Variants in STRIP2 observed in about 807,000 individuals in gnomAD.
The protein encoded by STRIP2 is striatin-interacting protein 2.
STRIP2 carries 84 observed loss-of-function variants against 107.1 expected under a neutral mutation model. The observed-to-expected ratio is 0.78, with a 90% CI of 0.66 to 0.94. STRIP2 has a LOEUF of 0.94. Ranked by LOEUF, STRIP2 falls within the 40% of genes least tolerant of loss-of-function variation. STRIP2 has a pLI of 0.00. For synonymous variants in STRIP2, 394 were observed against 400.4 expected, an observed-to-expected ratio of 0.98 and a Z score of 0.19; for missense variants, 888 against 1,034.2, an observed-to-expected ratio of 0.86 and a Z score of 1.94.
At chr7:129,480,187 A>C (rs1799082331) in intron 18 of STRIP2, among the ~76,000 whole-genome samples, 1 of 152,226 alleles carries the variant, frequency 6.6e-6, no homozygotes, top group African/African-American at 2.4e-5. Flanking sequence ...TCTGACATCC[A>C]TCTGTTGTCT....
In STRIP2 at chr7:129,476,212, G is replaced by GGGCGGCTGGCCGGGCGGGGGCTGCCCCCC. The variant is rs1584967414; in HGVS notation, c.1945-4573_1945-4572insGGCGGCTGGCCGGGCGGGGGCTGCCCCCC. Among the ~76,000 whole-genome samples the GGGCGGCTGGCCGGGCGGGGGCTGCCCCCC allele has an allele frequency of 6.5e-4, 72 of 111,056 alleles. 11 individuals carry two copies. In the East Asian group the frequency reaches 0.014, roughly 21 times the overall value. The allele number at this position is 111,056 out of a possible 152,430, so 72.9% of individuals were successfully genotyped here. ...GGGGCTGCCCCCCACCTCCCTCCCG[G>GGGCGGCTGGCCGGGCGGGGGCTGCCCCCC]ACGGGGCGGCTGGCCGGGCGGGGGC... On this transcript the variant is annotated intron_variant, in intron 18 of 20. Transcript: ENST00000249344.
At position 129,459,381 on chromosome 7, in the gene STRIP2, T is replaced by A. The variant is rs1315254280; in HGVS notation, c.1341-136T>A. 4.2e-6 allele frequency: 3 copies of A among 711,700 alleles called. No individual in the cohort carries two copies. In the African/African-American group the frequency reaches 5.3e-5, roughly 12 times the overall value. The allele number at this position is 711,700 out of a possible 1,614,324, so 44.1% of individuals were successfully genotyped here. A position where few individuals can be genotyped will look rare whatever the true frequency, so the allele number is the denominator to read the frequency against. On this transcript the variant is annotated intron_variant, in intron 11 of 20. Transcript: ENST00000249344. The stretch of plus-strand genomic sequence containing the variant: ...AGCACTGATGTGGGACCTACGAGCT[T>A]GCAGAGGAAGGTCTAGGGTACTGGG...
At chr7:129,457,121 G>A (rs1320448371) in intron 9 of STRIP2, among the ~76,000 whole-genome samples, 1 of 152,084 alleles carries the variant, frequency 6.6e-6, no homozygotes, top group East Asian at 1.9e-4. Flanking sequence ...ACTGGGTAGG[G>A]GTCTATGTAT....
At chr7:129,470,736 T>C in intron 18 of STRIP2, 21 bp downstream of exon 18, 1 of 1,610,604 alleles carries the variant, frequency 6.2e-7, no homozygotes, top group South Asian at 1.1e-5. Context: ...GGGGATTTGG[T>C]AGCCTTTGAA....
intron 2 of STRIP2, 92 bp downstream of exon 2, chr7:129,440,183 C>T (rs1797859813): frequency 1.8e-6 from 2 of 1,087,184 alleles, no homozygotes; most frequent in Non-Finnish European, 2.8e-6. Context: ...TCTGTTCTCA[C>T]CAAGTGGCTG....
chr7:129,475,111 TTAAA>T (rs1385570604), intron 18 of STRIP2, among the ~76,000 whole-genome samples: 9 of 152,146 alleles, frequency 5.9e-5, no homozygotes, highest in Non-Finnish European at 1.3e-4. Flanking sequence ...AATTCCAAAC[TTAAA>T]TGAAGGATGG....
intron 15 of STRIP2, 95 bp downstream of exon 15, chr7:129,464,236 T>C: frequency 2.1e-6 from 2 of 954,960 alleles, no homozygotes; most frequent in South Asian, 2.7e-5. Flanking sequence ...TTACAGAGAT[T>C]GTCTCCAAAG....
chr7:129,460,610 G>A (rs757038423), intron 13 of STRIP2: 11 of 504,160 alleles, frequency 2.2e-5, no homozygotes, highest in Non-Finnish European at 7.2e-6. Context: ...TAAACAGGAT[G>A]ACATGAAAGA....
At chr7:129,450,229 C>T (rs1260869452) in intron 3 of STRIP2, among the ~76,000 whole-genome samples, 1 of 152,116 alleles carries the variant, frequency 6.6e-6, no homozygotes, top group African/African-American at 2.4e-5. Context: ...TCCTGGTACC[C>T]AAATCTGTAT....
intron 3 of STRIP2, among the ~76,000 whole-genome samples, chr7:129,446,706 A>C (rs1325788784): frequency 1.3e-5 from 2 of 152,178 alleles, no homozygotes; most frequent in Non-Finnish European, 2.9e-5. Flanking sequence ...GGGGGAAAGA[A>C]GCCAGGGTGG....
chr7:129,462,266 C>T (rs1798560282), intron 13 of STRIP2, among the ~76,000 whole-genome samples: 1 of 152,182 alleles, frequency 6.6e-6, no homozygotes, highest in Non-Finnish European at 1.5e-5. Flanking sequence ...TTGTGTGGGA[C>T]AGAGGGAGGC....
intron 17 of STRIP2, among the ~76,000 whole-genome samples, chr7:129,468,535 A>G (rs1322171990): frequency 6.6e-6 from 1 of 152,224 alleles, no homozygotes; most frequent in Non-Finnish European, 1.5e-5. Flanking sequence ...TGGTATATGT[A>G]AGATTGCTTT....
Position 129,463,026 on chromosome 7 carries a change from C to T in STRIP2, c.1537C>T (p.Leu513Phe), listed in dbSNP as rs750715470. ...CCTCTACCAGGGAATGCTGTACAGCCTTCCGCAGTATATGGTAAGGAGATG... is the reference window on the plus strand; with the variant it reads ...CCTCTACCAGGGAATGCTGTACAGCTTTCCGCAGTATATGGTAAGGAGATG... ...EILYQGMLYS[L>F]PQYMIALLKI... Residue 513 changes from leucine to phenylalanine, a missense_variant, in exon 14 of 21, where the codon CTT (leucine) becomes TTT (phenylalanine). Leu to Phe is a conservative substitution (Grantham distance 22). Coordinates refer to ENST00000249344, the MANE Select transcript of STRIP2 (RefSeq NM_020704.3). 5.0e-6 allele frequency: 8 copies of T among 1,613,528 alleles called. No individual in the cohort carries two copies. The highest frequency in any genetic ancestry group is 5.1e-6 in the Non-Finnish European group (6 of 1,179,644).
chr7:129,455,193 T>C, intron 7 of STRIP2, 51 bp from the exon 8 acceptor site: 1 of 1,564,228 alleles, frequency 6.4e-7, no homozygotes, highest in Non-Finnish European at 8.6e-7. Flanking sequence ...ATGAAAAAGG[T>C]TTTAGCTGCC....
At chr7:129,462,211 T>C (rs1185367011) in intron 13 of STRIP2, among the ~76,000 whole-genome samples, 1 of 152,212 alleles carries the variant, frequency 6.6e-6, no homozygotes, top group Non-Finnish European at 1.5e-5. Flanking sequence ...CCAGGCTCTG[T>C]TGAATGTCCA....
chr7:129,447,736 C>T (rs891128694), intron 3 of STRIP2, among the ~76,000 whole-genome samples: 2 of 152,218 alleles, frequency 1.3e-5, no homozygotes, highest in Non-Finnish European at 2.9e-5. Context: ...TCAATGACCA[C>T]GTACCAGGTA....
At position 129,488,311 on chromosome 7, in the gene STRIP2, A is replaced by G. The variant is rs1163826558; in HGVS notation, c.*2482A>G. On this transcript the variant is annotated 3_prime_UTR_variant, in exon 21 of 21. Transcript: ENST00000249344. ...ACTTACAGAGGATTTTTATTTGTGA[A>G]TATTTCAGTAAAGTTTGTGTTGATT... is the stretch of plus-strand genomic sequence containing the variant. The G allele has an allele frequency of 6.5e-6, 1 of 152,708 alleles. No homozygotes were observed. The highest frequency in any genetic ancestry group is 1.5e-5 in the Non-Finnish European group (1 of 68,054). 9.5% of individuals were successfully genotyped at this position (152,708 alleles called of 1,614,324 possible).
rs1798444876 is a variant in STRIP2, at chr7:129,458,854, G to T, written c.1340+77G>T. The T allele has an allele frequency of 2.2e-6, 3 of 1,394,914 alleles. No homozygotes were observed. The highest frequency in any genetic ancestry group is 1.4e-5 in the African/African-American group (1 of 70,640). The allele number at this position is 1,394,914 out of a possible 1,614,324, so 86.4% of individuals were successfully genotyped here. A position where few individuals can be genotyped will look rare whatever the true frequency, so the allele number is the denominator to read the frequency against. ...GAGGAGCAGGTAGCTTGGAATGAGGGATGGTGCCTGGTGGTCATAATGTAA... is the reference window on the plus strand; with the variant it reads ...GAGGAGCAGGTAGCTTGGAATGAGGTATGGTGCCTGGTGGTCATAATGTAA... On this transcript the variant is annotated intron_variant, in intron 11 of 20. Coordinates refer to ENST00000249344, the MANE Select transcript of STRIP2 (RefSeq NM_020704.3). This position sits in a 1 kb window ranked among gnomAD's most constrained non-coding sequence, Gnocchi z 4.6.
intron 2 of STRIP2, among the ~76,000 whole-genome samples, chr7:129,443,480 T>A (rs1013375284): frequency 1.3e-5 from 2 of 152,224 alleles, no homozygotes; most frequent in Non-Finnish European, 2.9e-5. Context: ...CAGCCTCTGC[T>A]TTGTGGCTGT....
Sources: allele counts gnomAD v4.1 joint callset (sites outside exome capture counted in the v4.1 genomes callset), GRCh38; gene constraint gnomAD v4.1.1; non-coding constraint Gnocchi (gnomAD v3.1); transcripts MANE v1.5; gene names NCBI Gene and HGNC (gene_info 2026-07-23, HGNC 2026-07-21).